Variants in WWC2 observed in about 807,000 individuals in gnomAD.
WWC2 encodes the protein protein WWC2.
In WWC2, 101 loss-of-function variants were observed where a neutral mutation model predicts 138.5. That is an observed-to-expected ratio of 0.73 (90% CI 0.62 to 0.86). The LOEUF is 0.86. WWC2 is among the 40% of genes least tolerant of loss of function. The pLI, the probability that WWC2 is intolerant of heterozygous loss-of-function variation, is 0.00. For synonymous variants in WWC2, 558 were observed against 538.4 expected (o/e 1.04, Z -0.50); for missense variants, 1,420 against 1,419.4 (o/e 1.00, Z -0.01).
At chr4:183,196,069 C>T (rs1388613584) in intron 2 of WWC2, among the ~76,000 whole-genome samples, 1 of 152,132 alleles carries the variant, frequency 6.6e-6, no homozygotes, top group African/African-American at 2.4e-5. Flanking sequence ...TACTCTCTTG[C>T]TTCCTCTCTC....
chr4:183,227,496 G>C (rs1736106750), intron 4 of WWC2, among the ~76,000 whole-genome samples: 1 of 152,032 alleles, frequency 6.6e-6, no homozygotes, highest in South Asian at 2.1e-4. Context: ...TGAGATTTTT[G>C]AGAAATTAGA....
intron 17 of WWC2, chr4:183,281,372 C>A (rs947242915): frequency 1.2e-4 from 19 of 159,250 alleles, no homozygotes; most frequent in African/African-American, 4.3e-4. Flanking sequence ...GTATCCATAC[C>A]CAATCCTTTA....
intron 1 of WWC2, among the ~76,000 whole-genome samples, chr4:183,142,702 T>C (rs1333313073): frequency 6.6e-6 from 1 of 152,208 alleles, no homozygotes; most frequent in African/African-American, 2.4e-5. Context: ...TGAATACCCT[T>C]GCCCCCAGGC....
intron 3 of WWC2, 113 bp downstream of exon 3, chr4:183,208,269 G>C: frequency 1.7e-6 from 2 of 1,147,068 alleles, no homozygotes; most frequent in South Asian, 1.6e-5. Flanking sequence ...CTCCTAAGCA[G>C]GAAGAGTCTC....
At position 183,208,105 on chromosome 4, in the gene WWC2, T is replaced by TA; in HGVS notation, c.395dup (p.Tyr132Ter). The TA allele has an allele frequency of 1.2e-6, 2 of 1,613,788 alleles. No homozygotes were observed. The highest frequency in any genetic ancestry group is 1.7e-6 in the Non-Finnish European group (2 of 1,179,742). ...GAGGCTGGCGCTGGCCCTGGATGAA[T>TA]ACGTGCGATTAAATGATGCCTATAA... is the stretch of plus-strand genomic sequence containing the variant. ...EQRLALALDEYVRLNDAYKEK... is the reference protein window; with the variant it reads ...EQRLALALDE Residue 132 changes from tyrosine to a stop codon, truncating the protein, a stop_gained and frameshift_variant, in exon 3 of 23, where the codon TAC (tyrosine) becomes TAAC (stop). Transcript: ENST00000403733. LOFTEE classifies it high-confidence loss of function.
intron 6 of WWC2, 64 bp from the exon 7 acceptor site, chr4:183,248,650 T>G: frequency 6.9e-7 from 1 of 1,453,176 alleles, no homozygotes; most frequent in Non-Finnish European, 9.2e-7. Context: ...TAATTTCACC[T>G]GGTAGGGAAG....
At chr4:183,178,079 T>A (rs6552649) in intron 1 of WWC2, among the ~76,000 whole-genome samples, 151,643 of 152,336 alleles carry the variant, frequency 1, 75,480 homozygotes, top group Middle Eastern at 1. Flanking sequence ...CAGAAATGCA[T>A]TGATCATGTG....
chr4:183,223,264 A>G (rs1735980752), intron 4 of WWC2, among the ~76,000 whole-genome samples: 1 of 152,252 alleles, frequency 6.6e-6, no homozygotes, highest in South Asian at 2.1e-4. Flanking sequence ...ACTCTGTGAT[A>G]TTCACGTGAT....
rs1362834455 is a variant in WWC2 at position 183,208,944 on chromosome 4, A to G, written c.446-5A>G. ...TAATTAGTTTTTCTTTTTTCTCTAT[A>G]AAAGTATTCTCAGGATCTTCATCCA... On this transcript the variant is annotated splice_region_variant and splice_polypyrimidine_tract_variant and intron_variant, in intron 3 of 22. Transcript: ENST00000403733. 28 of 1,535,106 alleles carry G rather than the reference A, an allele frequency of 1.8e-5. No individual in the cohort carries two copies. Among genetic ancestry groups the G allele is most frequent in the Non-Finnish European group, 2.4e-5 (27 of 1,131,166 alleles).
At chr4:183,186,953 A>G (rs562653753) in intron 1 of WWC2, among the ~76,000 whole-genome samples, 42 of 152,268 alleles carry the variant, frequency 2.8e-4, no homozygotes, top group African/African-American at 9.6e-4. Context: ...TGGTTAGGCT[A>G]CCTCGTTATG....
chr4:183,271,274 A>T, intron 16 of WWC2, 33 bp downstream of exon 16: 4 of 1,562,846 alleles, frequency 2.6e-6, no homozygotes, highest in Non-Finnish European at 3.5e-6. Flanking sequence ...TATGAAAGTA[A>T]TGTGAAATAC....
intron 16 of WWC2, among the ~76,000 whole-genome samples, chr4:183,279,370 C>T (rs1382128903): frequency 4.6e-5 from 7 of 152,002 alleles, no homozygotes; most frequent in African/African-American, 1.7e-4. Context: ...CTGCTGGATT[C>T]GTTTTGCCAG....
chr4:183,161,606 A>T (rs867054525), intron 1 of WWC2, among the ~76,000 whole-genome samples: 1 of 152,242 alleles, frequency 6.6e-6, no homozygotes, highest in African/African-American at 2.4e-5. Context: ...CATATATAAC[A>T]GTGGTCCCAT....
intron 2 of WWC2, among the ~76,000 whole-genome samples, chr4:183,195,713 C>G (rs1735121944): frequency 6.6e-6 from 1 of 152,162 alleles, no homozygotes. Flanking sequence ...AACCATCCTT[C>G]AACCAGAATC....
At chr4:183,114,079 T>C (rs1732336485) in intron 1 of WWC2, among the ~76,000 whole-genome samples, 1 of 152,214 alleles carries the variant, frequency 6.6e-6, no homozygotes, top group Non-Finnish European at 1.5e-5. Context: ...GTCCCCACTA[T>C]TGTAATTTGT....
chr4:183,157,497 T>A (rs181019116), intron 1 of WWC2, among the ~76,000 whole-genome samples: 2,186 of 151,518 alleles, frequency 0.014, 24 homozygotes, highest in Non-Finnish European at 0.023. Context: ...TGTCACTCAA[T>A]TTTTTTTTAT....
rs556246515 is a variant in WWC2 at position 183,194,242 on chromosome 4, A to G, written c.241+534A>G. ...GAAGGGAAAAACCTCTCATTTTAAC[A>G]GCTCTTAAATCTGTCATATCTCTGA... On this transcript the variant is annotated intron_variant, in intron 2 of 22. Coordinates refer to ENST00000403733, the MANE Select transcript of WWC2 (RefSeq NM_024949.6). 7.9e-5 allele frequency among the ~76,000 whole-genome samples: 12 copies of G among 152,302 alleles called. No individual in the cohort carries two copies. The South Asian group carries it at 2.5e-3, about 32-fold the overall frequency.
intron 1 of WWC2, among the ~76,000 whole-genome samples, chr4:183,101,864 T>A (rs1016019331): frequency 6.6e-6 from 1 of 152,230 alleles, no homozygotes; most frequent in African/African-American, 2.4e-5. Flanking sequence ...GCCATTTAAT[T>A]AGAATGGTCA....
intron 4 of WWC2, among the ~76,000 whole-genome samples, chr4:183,235,881 A>G (rs1736409419): frequency 6.6e-6 from 1 of 152,164 alleles, no homozygotes; most frequent in African/African-American, 2.4e-5. Flanking sequence ...AATCCAAATG[A>G]TTTTTTGTGT....
Sources: gnomAD v4.1 joint callset for allele counts (sites outside exome capture counted in the v4.1 genomes callset) on GRCh38, gnomAD v4.1.1 for gene constraint, MANE v1.5 for transcripts, NCBI Gene and HGNC (gene_info 2026-07-23, HGNC 2026-07-21) for gene names.